The following HORMAD2 variants were observed in gnomAD, a reference collection of about 807,000 sequenced individuals.
HORMAD2 encodes the protein HORMA domain containing 2, also known as HORMA domain-containing protein 2.
Under a neutral mutation model 38.8 loss-of-function variants are expected in HORMAD2, and 45 were observed. That is an observed-to-expected ratio of 1.16 (90% CI 0.91 to 1.49). The LOEUF (loss-of-function observed/expected upper bound fraction) is 1.49. Among genes scored for constraint, HORMAD2 ranks in the 40% most tolerant of loss-of-function variants. The pLI is 0.00. For synonymous variants in HORMAD2, 126 were observed against 122.8 expected (o/e 1.03, Z -0.17); for missense variants, 338 against 367.0 (o/e 0.92, Z 0.65).
At chr22:30,121,815 C>T (rs773010410) in intron 9 of HORMAD2, 26 bp downstream of exon 9, 23 of 1,590,688 alleles carry the variant, frequency 1.4e-5, no homozygotes, top group Non-Finnish European at 2.0e-5. Flanking sequence ...TAGGCAAATT[C>T]CTCCTTAAGT....
At chr22:30,159,553 G>C (rs1459763965) in intron 10 of HORMAD2, among the ~76,000 whole-genome samples, 1 of 152,176 alleles carries the variant, frequency 6.6e-6, no homozygotes, top group Non-Finnish European at 1.5e-5. Context: ...CTTAGTGATA[G>C]GGAAATTTAA....
At chr22:30,151,762 T>G (rs1474413783) in intron 10 of HORMAD2, among the ~76,000 whole-genome samples, 1 of 152,164 alleles carries the variant, frequency 6.6e-6, no homozygotes, top group African/African-American at 2.4e-5. Context: ...AAAAAAATAT[T>G]AATAAAAGAT....
downstream of HORMAD2, among the ~76,000 whole-genome samples, chr22:30,180,020 C>T (rs1747462019): frequency 6.6e-6 from 1 of 152,102 alleles, no homozygotes; most frequent in African/African-American, 2.4e-5. Flanking sequence ...TCCCAAGTAG[C>T]TAGAACTACA....
At chr22:30,106,221 G>A (rs1921182278) in intron 5 of HORMAD2, among the ~76,000 whole-genome samples, 1 of 152,092 alleles carries the variant, frequency 6.6e-6, no homozygotes, top group Non-Finnish European at 1.5e-5. Context: ...ATGTTGGCTA[G>A]GCTTCTCTCG....
intron 10 of HORMAD2, among the ~76,000 whole-genome samples, chr22:30,174,133 A>G (rs1038155534): frequency 1.3e-5 from 2 of 152,232 alleles, no homozygotes; most frequent in Admixed American, 1.3e-4. Context: ...GTTAGTCTGC[A>G]TCAAGAAACA....
chr22:30,102,334 A>G (rs1920954073), intron 3 of HORMAD2, among the ~76,000 whole-genome samples: 1 of 152,208 alleles, frequency 6.6e-6, no homozygotes, highest in Non-Finnish European at 1.5e-5. Context: ...AGGCAACGGC[A>G]ATGATACCAT....
At chr22:30,091,798 C>A (rs2068692134) in intron 1 of HORMAD2, among the ~76,000 whole-genome samples, 1 of 152,144 alleles carries the variant, frequency 6.6e-6, no homozygotes, top group Non-Finnish European at 1.5e-5. Context: ...AATTTACATT[C>A]TTACCAACAG....
At chr22:30,170,353 C>A (rs1926034545) in intron 10 of HORMAD2, among the ~76,000 whole-genome samples, 1 of 152,164 alleles carries the variant, frequency 6.6e-6, no homozygotes, top group African/African-American at 2.4e-5. Context: ...CCTCCTCATG[C>A]AAAACAAGTA....
chr22:30,131,160 T>A (rs994315070), intron 10 of HORMAD2, among the ~76,000 whole-genome samples: 1 of 152,196 alleles, frequency 6.6e-6, no homozygotes, highest in Admixed American at 6.5e-5. Context: ...TTTATGCTGT[T>A]TAAATGCTAA....
At chr22:30,193,173 G>C in the HORMAD2 span, among the ~76,000 whole-genome samples, 1 of 152,180 alleles carries the variant, frequency 6.6e-6, no homozygotes, top group African/African-American at 2.4e-5. Flanking sequence ...CTTAACCACA[G>C]TTGATGTGAA....
the HORMAD2 span, among the ~76,000 whole-genome samples, chr22:30,202,591 C>G: frequency 6.6e-6 from 1 of 152,136 alleles, no homozygotes; most frequent in Non-Finnish European, 1.5e-5. Context: ...CTCCTGCTTC[C>G]CATTACAGCC....
intron 1 of HORMAD2, among the ~76,000 whole-genome samples, chr22:30,083,987 C>T (rs2068528601): frequency 6.6e-6 from 1 of 152,128 alleles, no homozygotes; most frequent in Non-Finnish European, 1.5e-5. Flanking sequence ...GAGAGTCAGT[C>T]TGGAAAAACT....
chr22:30,199,161 C>T, the HORMAD2 span, among the ~76,000 whole-genome samples: 1 of 152,316 alleles, frequency 6.6e-6, no homozygotes, highest in Admixed American at 6.5e-5. Flanking sequence ...AAAAAGTTGT[C>T]CTGGTAATTA....
chr22:30,137,124 G>T, intron 10 of HORMAD2: 1 of 405,928 alleles, frequency 2.5e-6, no homozygotes, highest in Non-Finnish European at 4.6e-6. Context: ...CTATTTTTTA[G>T]CCATGGAACA....
chr22:30,193,152 G>C, the HORMAD2 span, among the ~76,000 whole-genome samples: 1 of 152,312 alleles, frequency 6.6e-6, no homozygotes, highest in Admixed American at 6.5e-5. Flanking sequence ...AAAGCAGATG[G>C]AGAAATATGT....
chr22:30,131,996 G>C (rs1923318090), intron 10 of HORMAD2, among the ~76,000 whole-genome samples: 1 of 152,186 alleles, frequency 6.6e-6, no homozygotes, highest in Non-Finnish European at 1.5e-5. Flanking sequence ...GTGTGGACTA[G>C]AAAGGTATTT....
At chr22:30,191,020 A>G in the HORMAD2 span, among the ~76,000 whole-genome samples, 1 of 152,192 alleles carries the variant, frequency 6.6e-6, no homozygotes, top group Non-Finnish European at 1.5e-5. Flanking sequence ...AAGGCCAGCA[A>G]GGAAAGAGAG....
intron 10 of HORMAD2, among the ~76,000 whole-genome samples, chr22:30,164,664 G>A (rs1925666157): frequency 6.6e-6 from 1 of 151,866 alleles, no homozygotes; most frequent in Non-Finnish European, 1.5e-5. Context: ...TTTTTTTGCT[G>A]GTTTGTATTT....
intron 10 of HORMAD2, among the ~76,000 whole-genome samples, chr22:30,155,645 G>GTTGTGTACATACA (rs1925024059): frequency 1.3e-5 from 2 of 151,196 alleles, no homozygotes; most frequent in South Asian, 4.2e-4. Flanking sequence ...GAGAATATAT[G>GTTGTGTACATACA]TATGTACACA....
Sources: allele counts gnomAD v4.1 joint callset (sites outside exome capture counted in the v4.1 genomes callset), GRCh38; gene constraint gnomAD v4.1.1; transcripts MANE v1.5; gene names NCBI Gene and HGNC (gene_info 2026-07-23, HGNC 2026-07-21).